The following ANKRD12 variants were observed in gnomAD, a reference collection of about 807,000 sequenced individuals.
ANKRD12 encodes the protein ankyrin repeat domain 12.
A neutral mutation model predicts 183.4 loss-of-function variants in ANKRD12; 85 were observed. That is an observed-to-expected ratio of 0.46 (90% CI 0.39 to 0.56). The LOEUF is 0.56. ANKRD12 is among the 20% of genes least tolerant of loss of function. The pLI, the probability that ANKRD12 is intolerant of heterozygous loss-of-function variation, is 0.00. For synonymous variants in ANKRD12, 914 were observed against 800.2 expected (o/e 1.14, Z -2.40); for missense variants, 2,405 against 2,357.1 (o/e 1.02, Z -0.42).
At chr18:9,238,092 T>A (rs1424833293) in intron 8 of ANKRD12, among the ~76,000 whole-genome samples, 1 of 152,208 alleles carries the variant, frequency 6.6e-6, no homozygotes, top group Non-Finnish European at 1.5e-5. Context: ...TTTGACACTG[T>A]TGACCATATT....
chr18:9,281,440 C>T lies in ANKRD12; in HGVS notation c.*314C>T, dbSNP rs1032995733. ...AACAGCGCTGGAAGTTGTTAGCGCT[C>T]TAAGTAATAAGATAACCACTAGTAT... is the stretch of plus-strand genomic sequence containing the variant. On this transcript the variant is annotated 3_prime_UTR_variant, in exon 13 of 13. Coordinates refer to ENST00000262126, the MANE Select transcript of ANKRD12 (RefSeq NM_015208.5). The T allele has an allele frequency of 5.5e-6, 1 of 181,538 alleles. No individual in the cohort carries two copies. Among genetic ancestry groups the T allele is most frequent in the South Asian group, 1.8e-4 (1 of 5,580 alleles). 11.2% of individuals were successfully genotyped at this position (181,538 alleles called of 1,614,324 possible).
chr18:9,262,659 A>G (rs1389975196), intron 9 of ANKRD12, among the ~76,000 whole-genome samples: 1 of 151,260 alleles, frequency 6.6e-6, no homozygotes, highest in African/African-American at 2.4e-5. Flanking sequence ...TGGGGGTCTC[A>G]ATATGTTGCC....
intron 1 of ANKRD12, among the ~76,000 whole-genome samples, chr18:9,172,111 T>C (rs2032798856): frequency 6.6e-6 from 1 of 152,060 alleles, no homozygotes; most frequent in South Asian, 2.1e-4. Flanking sequence ...GCTGTTAGTC[T>C]GATGTGTTTC....
intron 3 of ANKRD12, 115 bp downstream of exon 3, chr18:9,195,813 A>T: frequency 6.3e-6 from 6 of 955,600 alleles, no homozygotes; most frequent in Non-Finnish European, 8.9e-6. Flanking sequence ...TTTGTATTTC[A>T]CTATTTCAGA....
At chr18:9,219,662 A>G (rs1235467060) in intron 7 of ANKRD12, among the ~76,000 whole-genome samples, 1 of 152,032 alleles carries the variant, frequency 6.6e-6, no homozygotes, top group Non-Finnish European at 1.5e-5. Flanking sequence ...CTGGCAGACC[A>G]GGTTGGCCCG....
intron 1 of ANKRD12, among the ~76,000 whole-genome samples, chr18:9,173,512 T>C (rs969728767): frequency 1.3e-5 from 2 of 152,026 alleles, no homozygotes; most frequent in Non-Finnish European, 2.9e-5. Flanking sequence ...ACCCTAGTTG[T>C]CTTGGTCTTT....
rs774563249 is a variant in ANKRD12 at position 9,254,832 on chromosome 18, G to A, written c.1565G>A (p.Arg522Lys). The change falls in exon 9 of 13, where the codon AGG becomes AAG. Residue 522 changes from arginine to lysine, a missense_variant. Physicochemically the swap from Arg to Lys is conservative, Grantham distance 26. Around this residue, in one of 7 missense-constraint regions of ANKRD12, gnomAD observed 1,983 missense variants for 1,725.9 expected, o/e 1.15. Coordinates refer to ENST00000262126, the MANE Select transcript of ANKRD12 (RefSeq NM_015208.5). ...AAGACCAGAGAGGAGGGGAACTTTAGGAAATCTTTTAGCCCAAAAGATGAT... is the reference window on the plus strand; with the variant it reads ...AAGACCAGAGAGGAGGGGAACTTTAAGAAATCTTTTAGCCCAAAAGATGAT... The part of the protein sequence containing the change: ...SEKTREEGNF[R>K]KSFSPKDDTS... The A allele has an allele frequency of 1.2e-5, 18 of 1,485,930 alleles. No individual in the cohort carries two copies. The highest frequency in any genetic ancestry group is 1.8e-4 in the Middle Eastern group (1 of 5,520). The allele number at this position is 1,485,930 out of a possible 1,614,324, so 92.0% of individuals were successfully genotyped here.
intron 5 of ANKRD12, among the ~76,000 whole-genome samples, chr18:9,210,559 A>G (rs2144623211): frequency 6.6e-6 from 1 of 151,754 alleles, no homozygotes; most frequent in East Asian, 1.9e-4. Context: ...TGTCTCTACT[A>G]AAAAATACAA....
rs115030279 is a variant in ANKRD12 at position 9,146,048 on chromosome 18, G to A, written c.-52+9083G>A. Among the ~76,000 whole-genome samples, 341 of 152,228 alleles carry A rather than the reference G, an allele frequency of 2.2e-3. 1 individual carries two copies. Among genetic ancestry groups the A allele is most frequent in the African/African-American group, 7.7e-3 (321 of 41,536 alleles). ...CTGTGTGTTTTAGGCACTGAAATAG[G>A]TCTCTTCAAAAAGGCCAAGAATCAC... On this transcript the variant is annotated intron_variant, in intron 1 of 12. Transcript: ENST00000262126.
chr18:9,222,714 T>C (rs2036489839), intron 8 of ANKRD12, among the ~76,000 whole-genome samples: 1 of 152,210 alleles, frequency 6.6e-6, no homozygotes, highest in Non-Finnish European at 1.5e-5. Context: ...ACTCATTTAA[T>C]GTCAGCCATT....
intron 4 of ANKRD12, among the ~76,000 whole-genome samples, chr18:9,207,123 A>G (rs1343752929): frequency 2.6e-5 from 4 of 152,104 alleles, no homozygotes; most frequent in African/African-American, 4.8e-5. Flanking sequence ...CTTATTAAAT[A>G]CTAGAGAACC....
In ANKRD12 at chr18:9,257,243, A is replaced by G. The variant is rs145949539; in HGVS notation, c.3976A>G (p.Ile1326Val). ...TGAACATACCAAACAATTCCAAACA[A>G]TATCAGAAGAGAGCAATCAAGGTAG... ...ICEHTKQFQT[I>V]SEESNQGSLL... The change falls in exon 9 of 13, where the codon ATA (isoleucine) becomes GTA (valine). Residue 1326 changes from isoleucine (I) to valine (V), a missense_variant. Ile to Val is a conservative substitution (Grantham distance 29). This residue lies in a region of ANKRD12 where 1,983 missense variants were observed against 1,725.9 expected (regional missense o/e 1.15). Transcript: ENST00000262126. 1.2e-4 allele frequency: 200 copies of G among 1,614,150 alleles called. No homozygotes were observed. In the Middle Eastern group the frequency reaches 1.3e-3, roughly 11 times the overall value.
rs2040179154 is a variant in ANKRD12 at position 9,284,402 on chromosome 18, TTGTC to T, written c.*3278_*3281del. The T allele has an allele frequency of 6.6e-6, 1 of 152,188 alleles. No homozygotes were observed. Among genetic ancestry groups the T allele is most frequent in the African/African-American group, 2.4e-5 (1 of 41,446 alleles). 9.4% of individuals were successfully genotyped at this position (152,188 alleles called of 1,614,324 possible). The stretch of plus-strand genomic sequence containing the variant: ...ACATAGTTTTCCAAAAAGAAAATTA[TTGTC>T]TCTGATATCTTAAAACATAAAAACC... On this transcript the variant is annotated 3_prime_UTR_variant, in exon 13 of 13. Transcript: ENST00000262126.
At chr18:9,230,955 AC>A (rs2037010619) in intron 8 of ANKRD12, among the ~76,000 whole-genome samples, 1 of 151,980 alleles carries the variant, frequency 6.6e-6, no homozygotes, top group Non-Finnish European at 1.5e-5. Flanking sequence ...GGCGTAAGCC[AC>A]CATGCCTGGC....
At chr18:9,186,136 G>GTTTTTTTTTTTTTTTTTTTTT (rs1280812557) in intron 2 of ANKRD12, among the ~76,000 whole-genome samples, 13 of 141,928 alleles carry the variant, frequency 9.2e-5, no homozygotes, top group Middle Eastern at 3.9e-3. Flanking sequence ...CTAAAAGTGT[G>GTTTTTTTTTTTTTTTTTTTTT]ATTTTTTTTT....
intron 1 of ANKRD12, among the ~76,000 whole-genome samples, chr18:9,151,489 TACTG>T (rs752775413): frequency 6.6e-6 from 1 of 152,152 alleles, no homozygotes; most frequent in Non-Finnish European, 1.5e-5. Flanking sequence ...GAAACAGAAA[TACTG>T]AGAACTGATG....
chr18:9,195,466 A>G (rs1598516849), intron 2 of ANKRD12, 85 bp from the exon 3 acceptor site: 4 of 960,276 alleles, frequency 4.2e-6, no homozygotes, highest in Admixed American at 3.6e-5. Context: ...CTTTTTGTGT[A>G]TGTTTGAAAT....
At chr18:9,267,149 T>C (rs113306223) in intron 10 of ANKRD12, among the ~76,000 whole-genome samples, 11,252 of 152,024 alleles carry the variant, frequency 0.074, 427 homozygotes, top group African/African-American at 0.083. Context: ...GAGACTTAGA[T>C]TCCCACACAA....
chr18:9,239,588 GAA>G, intron 8 of ANKRD12: 1 of 1,156,998 alleles, frequency 8.6e-7, no homozygotes. Flanking sequence ...TGGAGTTGCT[GAA>G]AAAGACTGAT....
Sources: allele counts gnomAD v4.1 joint callset (sites outside exome capture counted in the v4.1 genomes callset), GRCh38; gene constraint gnomAD v4.1.1; regional missense constraint gnomAD v4.1.1; transcripts MANE v1.5; gene names NCBI Gene and HGNC (gene_info 2026-07-23, HGNC 2026-07-21).